Variants in FUT9 observed in about 807,000 individuals in gnomAD.
The protein encoded by FUT9 is 4-galactosyl-N-acetylglucosaminide 3-alpha-L-fucosyltransferase 9.
A neutral mutation model predicts 29.7 loss-of-function variants in FUT9; 15 were observed. The ratio of observed to expected loss-of-function variants is 0.51; its 90% CI spans 0.34 to 0.78. FUT9 has a LOEUF of 0.78. Among genes scored for constraint, FUT9 ranks in the 30% least tolerant of loss-of-function variants. The pLI is 0.01. For missense variants in FUT9, 319 were observed against 425.4 expected, an observed-to-expected ratio of 0.75 and a Z score of 2.20; for synonymous variants, 169 against 153.7, an observed-to-expected ratio of 1.10 and a Z score of -0.74.
chr6:96,214,856 C>T lies in FUT9; in HGVS notation c.*10621C>T, dbSNP rs77548676. 3.4e-4 allele frequency: 56 copies of T among 166,970 alleles called. No individual in the cohort carries two copies. Among genetic ancestry groups the T allele is most frequent in the African/African-American group, 1.3e-3 (56 of 41,508 alleles). The allele number at this position is 166,970 out of a possible 1,614,324, so 10.3% of individuals were successfully genotyped here. A position where few individuals can be genotyped will look rare whatever the true frequency, so the allele number is the denominator to read the frequency against. ...TTTATTTATTTACAGAAGATTGGTT[C>T]CTTCCAGTTCAATTTAACAGCTTCA... On this transcript the variant is annotated 3_prime_UTR_variant, in exon 3 of 3. Transcript: ENST00000302103.
intron 2 of FUT9, among the ~76,000 whole-genome samples, chr6:96,169,571 C>T (rs1773074667): frequency 1.3e-5 from 2 of 152,036 alleles, no homozygotes; most frequent in South Asian, 4.2e-4. Context: ...CAGAATTAGA[C>T]TTATCTCTCA....
Position 96,084,223 on chromosome 6 carries a change from C to T in FUT9, c.-97-29816C>T, listed in dbSNP as rs1771282603. 2.0e-5 allele frequency among the ~76,000 whole-genome samples: 3 copies of T among 152,120 alleles called. No homozygotes were observed. In the South Asian group the frequency reaches 6.2e-4, roughly 32 times the overall value. ...CTAGAAGATCATATCTCTTTATTTC[C>T]TTTTAACAACTAAAATAATTTTAAG... On this transcript the variant is annotated intron_variant, in intron 1 of 2. Transcript: ENST00000302103.
At chr6:96,118,655 A>C (rs534117045) in intron 2 of FUT9, among the ~76,000 whole-genome samples, 3 of 152,204 alleles carry the variant, frequency 2.0e-5, no homozygotes, top group Non-Finnish European at 4.4e-5. Context: ...AATTTAAAAA[A>C]CTTAATTATT....
chr6:96,043,576 T>C (rs1284135727), intron 1 of FUT9, among the ~76,000 whole-genome samples: 1 of 152,236 alleles, frequency 6.6e-6, no homozygotes, highest in Non-Finnish European at 1.5e-5. Flanking sequence ...ATACTAGAAG[T>C]ACATTATTAA....
intron 1 of FUT9, among the ~76,000 whole-genome samples, chr6:96,031,370 AG>A (rs779380412): frequency 2.7e-5 from 4 of 148,510 alleles, no homozygotes; most frequent in Non-Finnish European, 4.5e-5. Flanking sequence ...TTATTGGGAA[AG>A]GATTTTGAGA....
chr6:96,069,618 T>A (rs1562115209), intron 1 of FUT9, among the ~76,000 whole-genome samples: 184 of 102,984 alleles, frequency 1.8e-3, no homozygotes, highest in African/African-American at 5.9e-3. Context: ...ATTATTTTTT[T>A]ATTTTTTTAT....
chr6:96,198,567 G>T (rs1381115353), intron 2 of FUT9, among the ~76,000 whole-genome samples: 1 of 151,976 alleles, frequency 6.6e-6, no homozygotes, highest in Non-Finnish European at 1.5e-5. Context: ...GAATAATGCC[G>T]CAATAAACAT....
intron 2 of FUT9, among the ~76,000 whole-genome samples, chr6:96,164,093 T>G (rs9390954): frequency 0.91 from 138,963 of 152,024 alleles, 64,807 homozygotes; most frequent in Non-Finnish European, 1. Flanking sequence ...ATGCAGAACC[T>G]CAGTGCAACT....
chr6:96,101,980 AT>A (rs1480245090), intron 1 of FUT9, among the ~76,000 whole-genome samples: 2 of 151,916 alleles, frequency 1.3e-5, no homozygotes, highest in Non-Finnish European at 2.9e-5. Context: ...TACTTATTTC[AT>A]TTGATATCAC....
rs559588652 is a variant in FUT9, at chr6:96,037,549, T to C, written c.-98+21337T>C. On this transcript the variant is annotated intron_variant, in intron 1 of 2. Coordinates refer to ENST00000302103, the MANE Select transcript of FUT9 (RefSeq NM_006581.4). Reference sequence around the variant, plus strand: ...GTATTGATATTTAATGACTTTGATATGGATGAAGTTGGGGAACAGCAAATA... The same window carrying C: ...GTATTGATATTTAATGACTTTGATACGGATGAAGTTGGGGAACAGCAAATA... 2.0e-5 allele frequency: 3 copies of C among 152,140 alleles called. No individual in the cohort carries two copies. The South Asian group carries it at 6.2e-4, about 32-fold the overall frequency. The allele number at this position is 152,140 out of a possible 1,614,324, so 9.4% of individuals were successfully genotyped here.
intron 2 of FUT9, among the ~76,000 whole-genome samples, chr6:96,176,424 T>A (rs181453645): frequency 2.0e-5 from 3 of 152,100 alleles, no homozygotes. Flanking sequence ...ATATGCAGTC[T>A]ATGTTGCAAC....
At chr6:96,191,655 A>T (rs1047482442) in intron 2 of FUT9, among the ~76,000 whole-genome samples, 4 of 152,322 alleles carry the variant, frequency 2.6e-5, no homozygotes, top group Admixed American at 2.6e-4. Context: ...CAGAGGTACA[A>T]GGAGGAGCTG....
At chr6:96,174,260 C>A (rs1249299968) in intron 2 of FUT9, among the ~76,000 whole-genome samples, 1 of 151,966 alleles carries the variant, frequency 6.6e-6, no homozygotes, top group East Asian at 1.9e-4. Context: ...TTAAGGGCAG[C>A]ACATTATTAT....
intron 1 of FUT9, among the ~76,000 whole-genome samples, chr6:96,095,958 T>A (rs182658985): frequency 2.3e-4 from 35 of 152,274 alleles, no homozygotes; most frequent in African/African-American, 8.2e-4. Flanking sequence ...GTAAAGAGCA[T>A]AATGTCCAGC....
chr6:96,194,601 G>A (rs1296890629), intron 2 of FUT9, among the ~76,000 whole-genome samples: 2 of 152,098 alleles, frequency 1.3e-5, no homozygotes, highest in Admixed American at 6.6e-5. Flanking sequence ...ATGTCAAGAT[G>A]TCACTGGGTT....
intron 2 of FUT9, among the ~76,000 whole-genome samples, chr6:96,186,491 T>C (rs1474542972): frequency 2.6e-5 from 4 of 152,154 alleles, no homozygotes; most frequent in Non-Finnish European, 5.9e-5. Flanking sequence ...GGTGTTTGTT[T>C]TGTAACTGTG....
chr6:96,130,307 A>G (rs887233059), intron 2 of FUT9, among the ~76,000 whole-genome samples: 5 of 152,116 alleles, frequency 3.3e-5, no homozygotes, highest in Admixed American at 3.3e-4. Flanking sequence ...ATTATAAGAA[A>G]CTTCACCTGT....
At chr6:96,036,037 T>C (rs931292216) in intron 1 of FUT9, among the ~76,000 whole-genome samples, 1 of 130,432 alleles carries the variant, frequency 7.7e-6, no homozygotes, top group African/African-American at 2.8e-5. Flanking sequence ...TATAATATAA[T>C]ACATTATGTT....
intron 1 of FUT9, among the ~76,000 whole-genome samples, chr6:96,052,143 C>A (rs993189574): frequency 6.6e-6 from 1 of 152,032 alleles, no homozygotes; most frequent in African/African-American, 2.4e-5. Context: ...AAGTGCTGAG[C>A]AAAAGGGGGA....
Sources: gnomAD v4.1 joint callset for allele counts (sites outside exome capture counted in the v4.1 genomes callset) on GRCh38, gnomAD v4.1.1 for gene constraint, MANE v1.5 for transcripts, NCBI Gene and HGNC (gene_info 2026-07-23, HGNC 2026-07-21) for gene names.